AKAP12: variants seen among roughly 807,000 people sequenced by gnomAD.
AKAP12 encodes A-kinase anchoring protein 12.
In AKAP12, 32 loss-of-function variants were observed where a neutral mutation model predicts 79.9. The observed-to-expected ratio is 0.40, with a 90% CI of 0.30 to 0.54. The LOEUF (loss-of-function observed/expected upper bound fraction) is 0.54, where lower values mean the gene tolerates loss of function less well. Ranked by LOEUF, AKAP12 falls within the 20% of genes least tolerant of loss-of-function variation. The pLI is 0.48. For missense variants in AKAP12, 2,074 were observed against 2,177.0 expected (o/e 0.95, Z 0.94); for synonymous variants, 808 against 857.0 (o/e 0.94, Z 1.00).
chr6:151,282,948 A>G (rs183034946), intron 2 of AKAP12, among the ~76,000 whole-genome samples: 129 of 152,314 alleles, frequency 8.5e-4, no homozygotes, highest in Non-Finnish European at 1.1e-3. Context: ...CTAATTTCCC[A>G]CAGTATAGCC....
Position 151,305,778 on chromosome 6 carries a change from T to G in AKAP12, c.194T>G (p.Ile65Ser). The stretch of plus-strand genomic sequence containing the variant: ...CAGAAGAATGGTCAGCTGTCCACCA[T>G]CAATGGCGTAGCTGAGCAAGATGAG... ...LLQKNGQLST[I>S]NGVAEQDELS... The change falls in exon 3 of 5, where the codon ATC (isoleucine) becomes AGC (serine). Residue 65 changes from isoleucine (I) to serine (S), a missense_variant. Physicochemically the swap from Ile to Ser is moderately radical, Grantham distance 142. Transcript: ENST00000402676. The G allele has an allele frequency of 6.2e-7, 1 of 1,613,760 alleles. No individual in the cohort carries two copies. Among genetic ancestry groups the G allele is most frequent in the Non-Finnish European group, 8.5e-7 (1 of 1,179,860 alleles).
intron 3 of AKAP12, among the ~76,000 whole-genome samples, chr6:151,334,556 C>CT (rs1372121310): frequency 2.6e-5 from 4 of 151,428 alleles, no homozygotes; most frequent in Non-Finnish European, 5.9e-5. Context: ...CATCATGCCA[C>CT]TGTACTCCAG....
chr6:151,348,678 T>TGTGGGGGGGGGGGGGGGGG, intron 3 of AKAP12, 33 bp from the exon 4 acceptor site: 2 of 374,898 alleles, frequency 5.3e-6, no homozygotes, highest in Admixed American at 3.9e-5. Flanking sequence ...CCTTTTCTCT[T>TGTGGGGGGGGGGGGGGGGG]CTCCCCACCC....
At chr6:151,288,025 G>A (rs995580115) in intron 2 of AKAP12, among the ~76,000 whole-genome samples, 1 of 151,524 alleles carries the variant, frequency 6.6e-6, no homozygotes. Context: ...GAGAACACCT[G>A]GACACAGGGA....
At position 151,260,201 on chromosome 6, in the gene AKAP12, C is replaced by G. The variant is rs545594927; in HGVS notation, c.162+19477C>G. Among the ~76,000 whole-genome samples, 6 of 152,274 alleles carry G rather than the reference C, an allele frequency of 3.9e-5. No homozygotes were observed. In the East Asian group the frequency reaches 1.2e-3, roughly 29 times the overall value. On this transcript the variant is annotated intron_variant, in intron 2 of 4. Transcript: ENST00000402676. ...TTTGGGCACTTACACATGCTATTCCCTATGTTACCAACAGTTTATGACTTT... is the reference window on the plus strand; with the variant it reads ...TTTGGGCACTTACACATGCTATTCCGTATGTTACCAACAGTTTATGACTTT...
chr6:151,306,007 A>G (rs2114756943), intron 3 of AKAP12, 104 bp downstream of exon 3: 1 of 1,206,346 alleles, frequency 8.3e-7, no homozygotes, highest in Non-Finnish European at 1.1e-6. Context: ...ATTGGTGTTA[A>G]CAGCAAAAAC....
chr6:151,342,508 T>TA (rs1777978585), intron 3 of AKAP12, among the ~76,000 whole-genome samples: 2 of 151,888 alleles, frequency 1.3e-5, no homozygotes, highest in Non-Finnish European at 2.9e-5. Flanking sequence ...TTGTATGGAG[T>TA]GAGTAGATTG....
At chr6:151,286,723 CTG>C (rs924783646) in intron 2 of AKAP12, among the ~76,000 whole-genome samples, 2 of 152,198 alleles carry the variant, frequency 1.3e-5, no homozygotes, top group African/African-American at 4.8e-5. Context: ...ACTTTGTACT[CTG>C]TCTTTCCAGG....
chr6:151,324,084 A>C (rs924795333), intron 3 of AKAP12: 1 of 985,258 alleles, frequency 1.0e-6, no homozygotes, highest in Non-Finnish European at 1.2e-6. Flanking sequence ...TGGACTCCAG[A>C]AGGATGGTCA....
At chr6:151,312,945 C>T (rs777360299) in intron 3 of AKAP12, among the ~76,000 whole-genome samples, 2 of 152,078 alleles carry the variant, frequency 1.3e-5, no homozygotes, top group Non-Finnish European at 2.9e-5. Flanking sequence ...AGAGGTAGCG[C>T]TCAGCAAATA....
intron 2 of AKAP12, among the ~76,000 whole-genome samples, chr6:151,252,284 G>A (rs1041123623): frequency 9.3e-5 from 14 of 150,448 alleles, no homozygotes; most frequent in Non-Finnish European, 1.5e-4. Context: ...CTGCACCCCC[G>A]CCTCCCGGGT....
At chr6:151,344,568 C>T (rs1393035345) in intron 3 of AKAP12, among the ~76,000 whole-genome samples, 2 of 152,006 alleles carry the variant, frequency 1.3e-5, no homozygotes, top group Admixed American at 6.6e-5. Context: ...CAGTCTCGCT[C>T]GGTCACCCAG....
At chr6:151,241,357 G>C (rs1452167648) in intron 2 of AKAP12, among the ~76,000 whole-genome samples, 3 of 152,244 alleles carry the variant, frequency 2.0e-5, no homozygotes, top group Non-Finnish European at 4.4e-5. Context: ...CAGGCGCTGC[G>C]TTTCCAGAAG....
chr6:151,345,303 C>G (rs941077990), intron 3 of AKAP12, among the ~76,000 whole-genome samples: 1 of 151,044 alleles, frequency 6.6e-6, no homozygotes, highest in Non-Finnish European at 1.5e-5. Context: ...TCTCGATCTC[C>G]TGACCTTGTG....
At chr6:151,319,443 GTCTATCTA>G (rs59954289) in intron 3 of AKAP12, among the ~76,000 whole-genome samples, 1,716 of 140,298 alleles carry the variant, frequency 0.012, 20 homozygotes, top group African/African-American at 0.022. Flanking sequence ...ACAGGTGTCT[GTCTATCTA>G]TCTATCTATC....
At chr6:151,276,781 G>A (rs1218253989) in intron 2 of AKAP12, among the ~76,000 whole-genome samples, 1 of 152,198 alleles carries the variant, frequency 6.6e-6, no homozygotes, top group African/African-American at 2.4e-5. Flanking sequence ...TATCACGATC[G>A]TATGCTTTTA....
Position 151,351,248 on chromosome 6 carries a change from C to G in AKAP12, c.2857C>G (p.Pro953Ala). 6.2e-7 allele frequency: 1 copy of G among 1,614,228 alleles called. No homozygotes were observed. The highest frequency in any genetic ancestry group is 1.1e-5 in the South Asian group (1 of 91,088). ...AGAAGAACCCCCCACGGTTACTGAACCTCTGCCAGAGAACAGAGAGGCCCG... is the reference window on the plus strand; with the variant it reads ...AGAAGAACCCCCCACGGTTACTGAAGCTCTGCCAGAGAACAGAGAGGCCCG... ...AEEEPPTVTE[P>A]LPENREARGD... Residue 953 changes from proline to alanine, a missense_variant, in exon 4 of 5, where the codon CCT becomes GCT. Pro to Ala is a conservative substitution (Grantham distance 27, BLOSUM62 -1). Transcript: ENST00000402676. The surrounding 1 kb of genome is among the most constrained non-coding windows in gnomAD (Gnocchi z 4.4).
chr6:151,283,525 TG>T (rs1358908731), intron 2 of AKAP12, among the ~76,000 whole-genome samples: 1 of 152,244 alleles, frequency 6.6e-6, no homozygotes, highest in South Asian at 2.1e-4. Context: ...TGGCTGACAC[TG>T]ACTAGTGCTT....
Position 151,351,918 on chromosome 6 carries a change from C to T in AKAP12, c.3527C>T (p.Pro1176Leu), listed in dbSNP as rs1361173400. 6.2e-7 allele frequency: 1 copy of T among 1,613,964 alleles called. No homozygotes were observed. The highest frequency in any genetic ancestry group is 8.5e-7 in the Non-Finnish European group (1 of 1,180,014). ...PTDSETDGST[P>L]VADFDAPGTT... ...GACAGTGAGACTGATGGAAGCACCCCCGTAGCCGACTTTGACGCACCAGGC... is the reference window on the plus strand; with the variant it reads ...GACAGTGAGACTGATGGAAGCACCCTCGTAGCCGACTTTGACGCACCAGGC... Residue 1176 changes from proline to leucine, a missense_variant, in exon 4 of 5, where the codon CCC becomes CTC. By Grantham distance (98) the Pro-to-Leu change is moderately conservative. Around this residue, in one of 3 missense-constraint regions of AKAP12, gnomAD observed 32 missense variants for 60.4 expected, o/e 0.53. Transcript: ENST00000402676. This position sits in a 1 kb window ranked among gnomAD's most constrained non-coding sequence, Gnocchi z 4.4.
Sources: allele counts gnomAD v4.1 joint callset (sites outside exome capture counted in the v4.1 genomes callset), GRCh38; gene constraint gnomAD v4.1.1; regional missense constraint gnomAD v4.1.1; non-coding constraint Gnocchi (gnomAD v3.1); transcripts MANE v1.5; gene names NCBI Gene and HGNC (gene_info 2026-07-23, HGNC 2026-07-21).